Variants in SUGCT observed in about 807,000 individuals in gnomAD.
SUGCT encodes succinyl-CoA:glutarate CoA-transferase.
A neutral mutation model predicts 55.0 loss-of-function variants in SUGCT; 41 were observed. That is an observed-to-expected ratio of 0.74 (90% CI 0.58 to 0.97). SUGCT has a LOEUF of 0.97. SUGCT is among the 50% of genes least tolerant of loss of function. SUGCT has a pLI of 0.00. For missense variants in SUGCT, 568 were observed against 547.8 expected (o/e 1.04, Z -0.37); for synonymous variants, 187 against 200.4 (o/e 0.93, Z 0.56).
chr7:40,216,726 C>G (rs6956047), intron 6 of SUGCT, among the ~76,000 whole-genome samples: 9,751 of 151,692 alleles, frequency 0.064, 978 homozygotes, highest in African/African-American at 0.22. Flanking sequence ...ATGGTGCATG[C>G]CTGTAATCCC....
chr7:40,184,114 G>A (rs1785365734), intron 3 of SUGCT, among the ~76,000 whole-genome samples: 1 of 152,122 alleles, frequency 6.6e-6, no homozygotes, highest in African/African-American at 2.4e-5. Flanking sequence ...GGCGGAGGTT[G>A]CAGTGAGTCG....
At chr7:40,871,107 C>G in the SUGCT span, among the ~76,000 whole-genome samples, 1 of 152,132 alleles carries the variant, frequency 6.6e-6, no homozygotes, top group African/African-American at 2.4e-5. Context: ...ACTAGACGTG[C>G]TAATTGTTAC....
chr7:40,623,821 T>C (rs899506156), intron 12 of SUGCT, among the ~76,000 whole-genome samples: 1 of 152,212 alleles, frequency 6.6e-6, no homozygotes, highest in African/African-American at 2.4e-5. Context: ...TTATAATGAC[T>C]GGTTCCTCAT....
At chr7:40,727,322 C>T (rs994880215) in intron 12 of SUGCT, among the ~76,000 whole-genome samples, 3 of 152,174 alleles carry the variant, frequency 2.0e-5, no homozygotes, top group African/African-American at 7.2e-5. Context: ...TGTTGATTCC[C>T]TAGTCTCAGT....
intron 8 of SUGCT, among the ~76,000 whole-genome samples, chr7:40,291,048 C>G (rs1271439061): frequency 6.6e-6 from 1 of 152,106 alleles, no homozygotes; most frequent in African/African-American, 2.4e-5. Context: ...CACTTTTACA[C>G]TGTTGGTGGG....
intron 12 of SUGCT, chr7:40,684,016 T>C (rs370998139): frequency 3.7e-6 from 6 of 1,610,668 alleles, no homozygotes; most frequent in African/African-American, 1.3e-5. Context: ...CTTGTGGTTG[T>C]ATGACTGAGG....
At chr7:40,249,617 C>T (rs1790219177) in intron 7 of SUGCT, among the ~76,000 whole-genome samples, 1 of 151,700 alleles carries the variant, frequency 6.6e-6, no homozygotes, top group Non-Finnish European at 1.5e-5. Flanking sequence ...AGTTCACTAA[C>T]AAAAGAGGTT....
chr7:40,580,814 C>G (rs1797048848), intron 12 of SUGCT, among the ~76,000 whole-genome samples: 1 of 152,166 alleles, frequency 6.6e-6, no homozygotes, highest in African/African-American at 2.4e-5. Flanking sequence ...TTACAATTGC[C>G]TACCGTATTC....
chr7:40,613,073 C>T (rs1211333289), intron 12 of SUGCT, among the ~76,000 whole-genome samples: 3 of 152,064 alleles, frequency 2.0e-5, no homozygotes, highest in Non-Finnish European at 4.4e-5. Context: ...GCGGAGGTTG[C>T]AGTGAGCCGA....
intron 1 of SUGCT, among the ~76,000 whole-genome samples, chr7:40,168,796 T>C (rs1204632269): frequency 6.6e-6 from 1 of 152,186 alleles, no homozygotes; most frequent in Non-Finnish European, 1.5e-5. Context: ...CCCCATTCTA[T>C]TTCTTCTGCC....
chr7:41,036,118 A>C, the SUGCT span, among the ~76,000 whole-genome samples: 1 of 152,186 alleles, frequency 6.6e-6, no homozygotes. Flanking sequence ...GACTGGTGCC[A>C]GGCTTATTAT....
intron 5 of SUGCT, among the ~76,000 whole-genome samples, chr7:40,191,873 G>A (rs376451285): frequency 3.9e-5 from 6 of 152,122 alleles, no homozygotes; most frequent in East Asian, 3.9e-4. Context: ...ACTTTGGGAC[G>A]CCGAGGTGGG....
At chr7:40,272,664 A>ATTTTTT (rs1187514804) in intron 7 of SUGCT, among the ~76,000 whole-genome samples, 2 of 133,502 alleles carry the variant, frequency 1.5e-5, no homozygotes, top group African/African-American at 2.8e-5. Flanking sequence ...TATTATTATT[A>ATTTTTT]TTTTTTTTTT....
intron 12 of SUGCT, among the ~76,000 whole-genome samples, chr7:40,533,950 C>G (rs541233581): frequency 6.6e-6 from 1 of 152,260 alleles, no homozygotes; most frequent in Admixed American, 6.5e-5. Context: ...CTTTAATTGC[C>G]ATTTTCTCTG....
chr7:40,792,383 T>G (rs958152880), intron 13 of SUGCT, among the ~76,000 whole-genome samples: 40 of 152,166 alleles, frequency 2.6e-4, no homozygotes, highest in African/African-American at 8.9e-4. Context: ...GTAGATTACA[T>G]TGCTCACAGG....
intron 13 of SUGCT, among the ~76,000 whole-genome samples, chr7:40,856,328 A>G (rs989507015): frequency 6.6e-6 from 1 of 152,176 alleles, no homozygotes; most frequent in Non-Finnish European, 1.5e-5. Context: ...GGCAATATAT[A>G]TACTCAAAGC....
intron 9 of SUGCT, among the ~76,000 whole-genome samples, chr7:40,381,197 G>A (rs1432228780): frequency 6.6e-6 from 1 of 151,994 alleles, no homozygotes; most frequent in East Asian, 1.9e-4. Flanking sequence ...GTATAGATAA[G>A]TATTCCCCTG....
intron 9 of SUGCT, among the ~76,000 whole-genome samples, chr7:40,380,924 A>G (rs1215359043): frequency 2.0e-5 from 3 of 152,162 alleles, no homozygotes; most frequent in African/African-American, 7.2e-5. Flanking sequence ...ATCAAATGAA[A>G]ACTTTGATTT....
chr7:40,776,246 G>A (rs527723152), intron 13 of SUGCT, among the ~76,000 whole-genome samples: 12 of 152,180 alleles, frequency 7.9e-5, no homozygotes, highest in African/African-American at 1.9e-4. Flanking sequence ...TCTTTCCCAC[G>A]CTGCCTCAGT....
Sources: allele counts gnomAD v4.1 joint callset (sites outside exome capture counted in the v4.1 genomes callset), GRCh38; gene constraint gnomAD v4.1.1; transcripts MANE v1.5; gene names NCBI Gene and HGNC (gene_info 2026-07-23, HGNC 2026-07-21).